Variants in FAM177A1 observed in about 807,000 individuals in gnomAD.
FAM177A1 encodes protein FAM177A1.
In FAM177A1, 22 loss-of-function variants were observed where a neutral mutation model predicts 26.1. That is an observed-to-expected ratio of 0.84 (90% CI 0.60 to 1.20). The LOEUF (loss-of-function observed/expected upper bound fraction) is 1.20. Ranked by LOEUF, FAM177A1 falls within the 50% of genes most tolerant of loss-of-function variation. FAM177A1 has a pLI of 0.00. For missense variants in FAM177A1, 296 were observed against 291.1 expected (o/e 1.02, Z -0.12); for synonymous variants, 95 against 99.3 (o/e 0.96, Z 0.26).
intron 2 of FAM177A1, among the ~76,000 whole-genome samples, chr14:35,067,191 T>TC (rs1291668210): frequency 6.6e-6 from 1 of 152,138 alleles, no homozygotes; most frequent in African/African-American, 2.4e-5. Context: ...TCTCCCCATT[T>TC]CCCCTTAACC....
chr14:35,078,384 C>A (rs545495159), intron 3 of FAM177A1, among the ~76,000 whole-genome samples: 1 of 152,280 alleles, frequency 6.6e-6, no homozygotes, highest in Admixed American at 6.5e-5. Context: ...CAGAGTCTTG[C>A]TCTTTCATCA....
At chr14:35,071,240 A>G (rs1595053555) in intron 2 of FAM177A1, among the ~76,000 whole-genome samples, 2 of 150,190 alleles carry the variant, frequency 1.3e-5, no homozygotes, top group Admixed American at 6.6e-5. Context: ...CTCGTGATCC[A>G]CCCTCCTCGG....
chr14:35,057,003 C>T (rs996987184), intron 2 of FAM177A1, among the ~76,000 whole-genome samples: 10 of 152,150 alleles, frequency 6.6e-5, no homozygotes, highest in African/African-American at 2.4e-4. Context: ...TTCACGAGAA[C>T]CACCTTTTGG....
At chr14:35,070,230 T>C (rs2045300333) in intron 2 of FAM177A1, among the ~76,000 whole-genome samples, 2 of 150,856 alleles carry the variant, frequency 1.3e-5, no homozygotes, top group South Asian at 4.2e-4. Flanking sequence ...AGGTACATGT[T>C]GGCCAGGATG....
At chr14:35,067,087 C>T (rs758115578) in intron 2 of FAM177A1, among the ~76,000 whole-genome samples, 2 of 152,174 alleles carry the variant, frequency 1.3e-5, no homozygotes, top group Admixed American at 6.5e-5. Context: ...CTACCATGCC[C>T]AGCCCAATTT....
intron 2 of FAM177A1, among the ~76,000 whole-genome samples, chr14:35,065,346 T>G (rs977205052): frequency 1.3e-5 from 2 of 149,150 alleles, no homozygotes; most frequent in African/African-American, 5.0e-5. Flanking sequence ...CAGGAGATTT[T>G]TCCATTGAAT....
chr14:35,078,373 A>T (rs2045428791), intron 3 of FAM177A1, among the ~76,000 whole-genome samples: 1 of 152,108 alleles, frequency 6.6e-6, no homozygotes, highest in East Asian at 1.9e-4. Context: ...CTTTTTTGAG[A>T]CAGAGTCTTG....
intron 2 of FAM177A1, among the ~76,000 whole-genome samples, chr14:35,059,792 C>G (rs1183962358): frequency 6.6e-6 from 1 of 152,124 alleles, no homozygotes; most frequent in Non-Finnish European, 1.5e-5. Flanking sequence ...TGTGATCCAC[C>G]TGCCTCAGTC....
At chr14:35,056,357 T>G (rs2045061592) in intron 2 of FAM177A1, among the ~76,000 whole-genome samples, 2 of 151,296 alleles carry the variant, frequency 1.3e-5, no homozygotes, top group Admixed American at 6.6e-5. Context: ...TTTTTTATTT[T>G]TTTATTTTTA....
upstream of FAM177A1, chr14:35,045,338 G>T (rs1444846386): frequency 3.3e-5 from 5 of 152,112 alleles, no homozygotes; most frequent in South Asian, 2.1e-4. Flanking sequence ...TTGTTTTTAG[G>T]TTCCAGTTAT....
intron 2 of FAM177A1, among the ~76,000 whole-genome samples, chr14:35,061,165 C>A (rs2045147890): frequency 1.3e-5 from 2 of 152,086 alleles, no homozygotes; most frequent in Non-Finnish European, 1.5e-5. Flanking sequence ...TAAAGGGGGA[C>A]CACTGTACAT....
At chr14:35,076,043 A>G (rs2045389463) in intron 2 of FAM177A1, among the ~76,000 whole-genome samples, 1 of 152,222 alleles carries the variant, frequency 6.6e-6, no homozygotes, top group Non-Finnish European at 1.5e-5. Context: ...GCGATTCCTC[A>G]AGGATCTAGA....
chr14:35,076,213 C>G (rs2045393239), intron 2 of FAM177A1, among the ~76,000 whole-genome samples: 1 of 152,094 alleles, frequency 6.6e-6, no homozygotes, highest in South Asian at 2.1e-4. Flanking sequence ...CAATGATAGA[C>G]TGGGTTAAGA....
chr14:35,072,260 GA>G (rs1227894779), intron 2 of FAM177A1, among the ~76,000 whole-genome samples: 1 of 151,854 alleles, frequency 6.6e-6, no homozygotes, highest in Non-Finnish European at 1.5e-5. Flanking sequence ...GGGTGACAAA[GA>G]AAAGATAAAA....
rs772052723 is a variant in FAM177A1, at chr14:35,081,825, CACTT to C, written c.*603_*606del. ...TAGGCTTCCATTTTTTAATGCAAGC[CACTT>C]ACTTAATCTTGTATTCTTTTTCAGG... On this transcript the variant is annotated 3_prime_UTR_variant, in exon 5 of 5. Transcript: ENST00000280987. 12 of 152,030 alleles carry C rather than the reference CACTT, an allele frequency of 7.9e-5. No homozygotes were observed. Among genetic ancestry groups the C allele is most frequent in the African/African-American group, 1.7e-4 (7 of 41,378 alleles). 9.4% of individuals were successfully genotyped at this position (152,030 alleles called of 1,614,324 possible).
intron 2 of FAM177A1, among the ~76,000 whole-genome samples, chr14:35,067,113 CAT>C (rs2045252241): frequency 6.6e-6 from 1 of 152,098 alleles, no homozygotes; most frequent in Admixed American, 6.6e-5. Context: ...TTTTATTAAA[CAT>C]ATTTATTGCC....
At chr14:35,075,257 A>C (rs1350779450) in intron 2 of FAM177A1, among the ~76,000 whole-genome samples, 1 of 152,224 alleles carries the variant, frequency 6.6e-6, no homozygotes, top group African/African-American at 2.4e-5. Context: ...GCATTCTGCC[A>C]GTGGCCCTGG....
intron 2 of FAM177A1, among the ~76,000 whole-genome samples, chr14:35,075,594 C>A (rs1350825682): frequency 6.6e-6 from 1 of 151,896 alleles, no homozygotes; most frequent in Non-Finnish European, 1.5e-5. Flanking sequence ...CCAAAATTGA[C>A]AAATGGGATC....
chr14:35,066,014 A>G (rs1283393550), intron 2 of FAM177A1, among the ~76,000 whole-genome samples: 6 of 151,676 alleles, frequency 4.0e-5, no homozygotes, highest in African/African-American at 1.5e-4. Context: ...GAAACAAAGT[A>G]TTAAAGCCAT....
Sources: allele counts gnomAD v4.1 joint callset (sites outside exome capture counted in the v4.1 genomes callset), GRCh38; gene constraint gnomAD v4.1.1; transcripts MANE v1.5; gene names NCBI Gene and HGNC (gene_info 2026-07-23, HGNC 2026-07-21).